The following IQCH variants were observed in gnomAD, a reference collection of about 807,000 sequenced individuals.
The protein encoded by IQCH is IQ motif containing H, also known as IQ domain-containing protein H.
In IQCH, 98 loss-of-function variants were observed where a neutral mutation model predicts 117.0. That is an observed-to-expected ratio of 0.84 (90% CI 0.71 to 0.99). The LOEUF is 0.99. Among genes scored for constraint, IQCH ranks in the 50% least tolerant of loss-of-function variants. The pLI is 0.00. For missense variants in IQCH, 1,102 were observed against 1,243.8 expected, an observed-to-expected ratio of 0.89 and a Z score of 1.72; for synonymous variants, 412 against 448.2, an observed-to-expected ratio of 0.92 and a Z score of 1.02.
At chr15:67,304,357 G>A in intron 4 of IQCH, 1 of 1,526,464 alleles carries the variant, frequency 6.6e-7, no homozygotes. Context: ...AGGGTTGAAT[G>A]TAAAAATCTT....
In IQCH at chr15:67,466,981, T is replaced by A. The variant is rs1043757598; in HGVS notation, c.2676+1684T>A. The stretch of plus-strand genomic sequence containing the variant: ...GCTCACGCCTGTAATCCCAGCACTT[T>A]GGGAGGCCGAGGCGGGCAGATCATT... On this transcript the variant is annotated intron_variant, in intron 17 of 20. Transcript: ENST00000335894. This position sits in a 1 kb window ranked among gnomAD's most constrained non-coding sequence, Gnocchi z 4.4. 1.3e-5 allele frequency: 2 copies of A among 152,874 alleles called. No homozygotes were observed. The highest frequency in any genetic ancestry group is 4.8e-5 in the African/African-American group (2 of 41,454). 9.5% of individuals were successfully genotyped at this position (152,874 alleles called of 1,614,324 possible).
Position 67,369,876 on chromosome 15 carries a change from G to A in IQCH, c.754-2235G>A, listed in dbSNP as rs1237538443. Reference sequence around the variant, plus strand: ...AAGTGTGGCATTCTCTGTGACAGATGTACTACAGTTATGCTTTAGCTGACT... The same window carrying A: ...AAGTGTGGCATTCTCTGTGACAGATATACTACAGTTATGCTTTAGCTGACT... On this transcript the variant is annotated intron_variant, in intron 8 of 20. Transcript: ENST00000335894. The surrounding 1 kb of genome is among the most constrained non-coding windows in gnomAD (Gnocchi z 5.2). 6.6e-6 allele frequency among the ~76,000 whole-genome samples: 1 copy of A among 152,196 alleles called. No individual in the cohort carries two copies. The highest frequency in any genetic ancestry group is 1.9e-4 in the East Asian group (1 of 5,192).
intron 3 of IQCH, among the ~76,000 whole-genome samples, chr15:67,270,598 G>A (rs559358918): frequency 3.2e-4 from 49 of 152,204 alleles, no homozygotes; most frequent in African/African-American, 1.2e-3. Context: ...AGTCTCCATG[G>A]GAACTGGTTG....
rs897690951 is a variant in IQCH at position 67,491,085 on chromosome 15, C to T, written c.2861+1021C>T. Among the ~76,000 whole-genome samples the T allele has an allele frequency of 6.6e-6, 1 of 152,172 alleles. No individual in the cohort carries two copies. The highest frequency in any genetic ancestry group is 2.4e-5 in the African/African-American group (1 of 41,436). On this transcript the variant is annotated intron_variant, in intron 19 of 20. Transcript: ENST00000335894. The surrounding 1 kb of genome is among the most constrained non-coding windows in gnomAD (Gnocchi z 4.9). ...GCAGTGTAGACATTGTGGCCTCACA[C>T]TGAAACACACAGAAACATATACACA...
In IQCH at chr15:67,403,550, A is replaced by G. The variant is rs1971757139; in HGVS notation, c.2097+3245A>G. 6.6e-6 allele frequency: 1 copy of G among 152,190 alleles called. No individual in the cohort carries two copies. Among genetic ancestry groups the G allele is most frequent in the East Asian group, 1.9e-4 (1 of 5,196 alleles). 9.4% of individuals were successfully genotyped at this position (152,190 alleles called of 1,614,324 possible). A position where few individuals can be genotyped will look rare whatever the true frequency, so the allele number is the denominator to read the frequency against. ...CTACTTCCCCCAACAAGTTCCAGTA[A>G]ACTCATTCACTTAAGTACTCTGCTC... is the stretch of plus-strand genomic sequence containing the variant. On this transcript the variant is annotated intron_variant, in intron 14 of 20. Coordinates refer to ENST00000335894, the MANE Select transcript of IQCH (RefSeq NM_001031715.3). The surrounding 1 kb of genome is among the most constrained non-coding windows in gnomAD (Gnocchi z 4.8).
chr15:67,316,893 C>T (rs914030183), intron 4 of IQCH, among the ~76,000 whole-genome samples: 1 of 152,128 alleles, frequency 6.6e-6, no homozygotes, highest in Admixed American at 6.5e-5. Context: ...AGGGACAGAT[C>T]TGGGCCCAGT....
chr15:67,484,217 G>C (rs62016056), intron 18 of IQCH, among the ~76,000 whole-genome samples: 20,960 of 151,848 alleles, frequency 0.14, 1,663 homozygotes, highest in East Asian at 0.2. Context: ...ACCAGCCCGG[G>C]CAACATGGCA....
chr15:67,403,575 C>G lies in IQCH; in HGVS notation c.2097+3270C>G, dbSNP rs1253872247. The G allele has an allele frequency of 6.6e-6, 1 of 152,136 alleles. No individual in the cohort carries two copies. The highest frequency in any genetic ancestry group is 2.4e-5 in the African/African-American group (1 of 41,410). The allele number at this position is 152,136 out of a possible 1,614,324, so 9.4% of individuals were successfully genotyped here. A position where few individuals can be genotyped will look rare whatever the true frequency, so the allele number is the denominator to read the frequency against. On this transcript the variant is annotated intron_variant, in intron 14 of 20. Coordinates refer to ENST00000335894, the MANE Select transcript of IQCH (RefSeq NM_001031715.3). The surrounding 1 kb of genome is among the most constrained non-coding windows in gnomAD (Gnocchi z 4.8). ...AACTCATTCACTTAAGTACTCTGCT[C>G]GTTAAGTTTTAATGAATCCACACTC...
At chr15:67,299,691 A>C (rs922752155) in intron 4 of IQCH, among the ~76,000 whole-genome samples, 5 of 152,244 alleles carry the variant, frequency 3.3e-5, no homozygotes, top group Admixed American at 6.5e-5. Flanking sequence ...TTGCAATCCC[A>C]TGATGCCATT....
intron 20 of IQCH, among the ~76,000 whole-genome samples, chr15:67,498,248 GA>G (rs1338935377): frequency 6.6e-6 from 1 of 152,064 alleles, no homozygotes; most frequent in Admixed American, 6.5e-5. Context: ...ATTCAATGGA[GA>G]AAAAATATTT....
intron 6 of IQCH, among the ~76,000 whole-genome samples, chr15:67,352,349 A>G (rs954648823): frequency 2.0e-5 from 3 of 151,980 alleles, no homozygotes; most frequent in African/African-American, 7.2e-5. Flanking sequence ...AATGTTTTTT[A>G]TGTAATCAGA....
intron 4 of IQCH, among the ~76,000 whole-genome samples, chr15:67,289,092 A>G: frequency 6.6e-6 from 1 of 152,128 alleles, no homozygotes; most frequent in African/African-American, 2.4e-5. Context: ...TTGTTTGAAG[A>G]CAATCAAGAG....
At chr15:67,302,979 A>G (rs1967125021) in intron 4 of IQCH, among the ~76,000 whole-genome samples, 1 of 152,200 alleles carries the variant, frequency 6.6e-6, no homozygotes, top group African/African-American at 2.4e-5. Flanking sequence ...TTCTGTAGAT[A>G]TTTTTGTAGC....
rs1223443530 is a variant in IQCH, at chr15:67,496,933, G to A, written c.2970+2567G>A. Among the ~76,000 whole-genome samples, 1 of 149,908 alleles carries A rather than the reference G, an allele frequency of 6.7e-6. No homozygotes were observed. The highest frequency in any genetic ancestry group is 1.5e-5 in the Non-Finnish European group (1 of 67,570). ...CTCGGGAGGCTGAGGCAGGAGAATG[G>A]CGTGAACCCGGGAAGCGGAGCTTGC... On this transcript the variant is annotated intron_variant, in intron 20 of 20. Transcript: ENST00000335894. This position sits in a 1 kb window ranked among gnomAD's most constrained non-coding sequence, Gnocchi z 4.4.
rs902655373 is a variant in IQCH, at chr15:67,500,052, T to C, written c.2971-581T>C. Among the ~76,000 whole-genome samples the C allele has an allele frequency of 6.6e-6, 1 of 152,200 alleles. No individual in the cohort carries two copies. The highest frequency in any genetic ancestry group is 2.4e-5 in the African/African-American group (1 of 41,458). ...TCTGGAATTATATAGTAGCGATGGT[T>C]ACTTGCAAATATACTAAAAACCACT... On this transcript the variant is annotated intron_variant, in intron 20 of 20. Transcript: ENST00000335894. The surrounding 1 kb of genome is among the most constrained non-coding windows in gnomAD (Gnocchi z 4.4).
chr15:67,465,420 T>C lies in IQCH; in HGVS notation c.2676+123T>C, dbSNP rs1016270748. 16 of 1,027,358 alleles carry C rather than the reference T, an allele frequency of 1.6e-5. 1 individual carries two copies. The highest frequency in any genetic ancestry group is 9.6e-5 in the South Asian group (6 of 62,818). 63.6% of individuals were successfully genotyped at this position (1,027,358 alleles called of 1,614,324 possible). A position where few individuals can be genotyped will look rare whatever the true frequency, so the allele number is the denominator to read the frequency against. On this transcript the variant is annotated intron_variant, in intron 17 of 20. Transcript: ENST00000335894. This position sits in a 1 kb window ranked among gnomAD's most constrained non-coding sequence, Gnocchi z 5.9. ...AGAAGAAAGAGCCTAAGGCAAGTCA[T>C]TGGACTTGTCTGAGCAGGGTCTGGA...
In IQCH at chr15:67,359,028, G is replaced by T. The variant is rs148109871; in HGVS notation, c.715-819G>T. Among the ~76,000 whole-genome samples, 1 of 152,206 alleles carries T rather than the reference G, an allele frequency of 6.6e-6. No individual in the cohort carries two copies. Among genetic ancestry groups the T allele is most frequent in the Admixed American group, 6.5e-5 (1 of 15,284 alleles). On this transcript the variant is annotated intron_variant, in intron 7 of 20. Transcript: ENST00000335894. The surrounding 1 kb of genome is among the most constrained non-coding windows in gnomAD (Gnocchi z 4.5). ...TCCCAAGACAGACAGGCCTTCAGGC[G>T]AGTGTTTGGCCTGCACCATTATTGT...
Position 67,338,088 on chromosome 15 carries a change from C to T in IQCH, c.508+993C>T, listed in dbSNP as rs1968974133. ...ATGTAATATTTACTTCCTGGGAATA[C>T]TGAATAACACCAGCAGAGTGTTCCC... On this transcript the variant is annotated intron_variant, in intron 5 of 20. Coordinates refer to ENST00000335894, the MANE Select transcript of IQCH (RefSeq NM_001031715.3). Among the ~76,000 whole-genome samples the T allele has an allele frequency of 2.0e-5, 3 of 152,292 alleles. No individual in the cohort carries two copies. The South Asian group carries it at 6.2e-4, about 32-fold the overall frequency.
intron 16 of IQCH, among the ~76,000 whole-genome samples, chr15:67,461,938 G>A (rs1334972747): frequency 6.6e-6 from 1 of 152,018 alleles, no homozygotes; most frequent in Non-Finnish European, 1.5e-5. Context: ...GAAAGGAAAT[G>A]TTTAGTCATC....
Sources: allele counts gnomAD v4.1 joint callset (sites outside exome capture counted in the v4.1 genomes callset), GRCh38; gene constraint gnomAD v4.1.1; non-coding constraint Gnocchi (gnomAD v3.1); transcripts MANE v1.5; gene names NCBI Gene and HGNC (gene_info 2026-07-23, HGNC 2026-07-21).